CNTNAP2: variants seen among roughly 807,000 people sequenced by gnomAD.
The protein encoded by CNTNAP2 is contactin-associated protein-like 2.
In CNTNAP2, 98 loss-of-function variants were observed where a neutral mutation model predicts 155.2. The ratio of observed to expected loss-of-function variants is 0.63; its 90% confidence interval spans 0.54 to 0.75. The LOEUF is 0.75. CNTNAP2 is among the 30% of genes least tolerant of loss of function. CNTNAP2 has a pLI of 0.00. For missense variants in CNTNAP2, 1,727 were observed against 1,688.1 expected (o/e 1.02, Z -0.40); for synonymous variants, 651 against 631.2 (o/e 1.03, Z -0.47).
chr7:147,426,500 A>C (rs1237173639), intron 10 of CNTNAP2, among the ~76,000 whole-genome samples: 1 of 152,154 alleles, frequency 6.6e-6, no homozygotes, highest in Non-Finnish European at 1.5e-5. Context: ...CTTTCCACCG[A>C]GCAAAGATTT....
intron 1 of CNTNAP2, among the ~76,000 whole-genome samples, chr7:146,183,238 GGAGAA>G (rs1400908213): frequency 1.8e-4 from 28 of 152,186 alleles, no homozygotes; most frequent in African/African-American, 6.3e-4. Flanking sequence ...CACAATATAA[GGAGAA>G]GAAACCAGAA....
intron 13 of CNTNAP2, among the ~76,000 whole-genome samples, chr7:147,834,316 T>G (rs1409323365): frequency 6.6e-6 from 1 of 152,216 alleles, no homozygotes; most frequent in African/African-American, 2.4e-5. Flanking sequence ...AAATTCCTGC[T>G]GCTGGCTAAA....
chr7:146,945,258 C>T (rs17170293), intron 3 of CNTNAP2, among the ~76,000 whole-genome samples: 5,957 of 152,218 alleles, frequency 0.039, 139 homozygotes, highest in Middle Eastern at 0.085. Context: ...ACGGCACTGC[C>T]ATGTTTTATG....
intron 14 of CNTNAP2, among the ~76,000 whole-genome samples, chr7:147,966,320 A>G (rs2204924): frequency 0.56 from 84,293 of 151,868 alleles, 23,917 homozygotes; most frequent in Middle Eastern, 0.75. Context: ...AATGCATCAG[A>G]ACTAATGCTC....
At chr7:147,606,318 G>T (rs1801062704) in intron 12 of CNTNAP2, among the ~76,000 whole-genome samples, 1 of 152,152 alleles carries the variant, frequency 6.6e-6, no homozygotes, top group Admixed American at 6.5e-5. Flanking sequence ...AATTTTGATA[G>T]TCACTTTATT....
Position 147,676,609 on chromosome 7 carries a change from T to C in CNTNAP2, c.2098+37303T>C, listed in dbSNP as rs1472911455. On this transcript the variant is annotated intron_variant, in intron 13 of 23. Transcript: ENST00000361727. The stretch of plus-strand genomic sequence containing the variant: ...TGTATGATAGACGTCTTTAACTTCC[T>C]CCTATCTAATTGAAATTTCGTATTC... 3.9e-5 allele frequency among the ~76,000 whole-genome samples: 6 copies of C among 151,924 alleles called. No individual in the cohort carries two copies. In the East Asian group the frequency reaches 1.2e-3, roughly 29 times the overall value.
intron 13 of CNTNAP2, among the ~76,000 whole-genome samples, chr7:147,648,598 A>G (rs1795403875): frequency 6.6e-6 from 1 of 152,192 alleles, no homozygotes; most frequent in Non-Finnish European, 1.5e-5. Context: ...CATGTCTCAC[A>G]TGGCGGCAGA....
intron 3 of CNTNAP2, among the ~76,000 whole-genome samples, chr7:146,843,992 A>T (rs542419800): frequency 6.6e-6 from 1 of 152,198 alleles, no homozygotes; most frequent in African/African-American, 2.4e-5. Flanking sequence ...AATCACATGA[A>T]TATAATTTTA....
At chr7:146,692,364 G>A (rs547084450) in intron 1 of CNTNAP2, among the ~76,000 whole-genome samples, 1 of 152,202 alleles carries the variant, frequency 6.6e-6, no homozygotes, top group Middle Eastern at 3.4e-3. Flanking sequence ...TTTTTAAAAG[G>A]TAGTCTCCTT....
At chr7:147,775,721 T>C (rs1465869127) in intron 13 of CNTNAP2, among the ~76,000 whole-genome samples, 1 of 151,962 alleles carries the variant, frequency 6.6e-6, no homozygotes, top group Admixed American at 6.6e-5. Context: ...AAGATAAGTG[T>C]GCAAATCACA....
At chr7:147,202,632 T>A (rs76294912) in intron 8 of CNTNAP2, among the ~76,000 whole-genome samples, 1 of 152,036 alleles carries the variant, frequency 6.6e-6, no homozygotes, top group Non-Finnish European at 1.5e-5. Flanking sequence ...AACGGATGAG[T>A]TCACATCCTT....
chr7:147,058,921 C>A (rs1200296608), intron 4 of CNTNAP2, among the ~76,000 whole-genome samples: 1 of 152,072 alleles, frequency 6.6e-6, no homozygotes, highest in Non-Finnish European at 1.5e-5. Flanking sequence ...GGGCTCTTTT[C>A]CTACTAAGGA....
At chr7:146,665,797 A>T (rs1431608042) in intron 1 of CNTNAP2, among the ~76,000 whole-genome samples, 1 of 148,210 alleles carries the variant, frequency 6.7e-6, no homozygotes, top group Non-Finnish European at 1.5e-5. Context: ...AAAAAAAAAA[A>T]ATACATTTTG....
Position 147,251,964 on chromosome 7 carries a change from T to TA in CNTNAP2, c.1349-48168dup, listed in dbSNP as rs553267351. 1.3e-3 allele frequency among the ~76,000 whole-genome samples: 191 copies of TA among 150,810 alleles called. 2 individuals are homozygous for TA. The highest frequency in any genetic ancestry group is 1.8e-3 in the Non-Finnish European group (125 of 67,574). ...ATGGATATATGAGTTTGGGGATTAA[T>TA]AAAAAAAAACAGCAAGGAGTAAGAA... is the stretch of plus-strand genomic sequence containing the variant. On this transcript the variant is annotated intron_variant, in intron 8 of 23. Coordinates refer to ENST00000361727, the MANE Select transcript of CNTNAP2 (RefSeq NM_014141.6).
At chr7:148,247,810 C>T (rs1031531504) in intron 20 of CNTNAP2, among the ~76,000 whole-genome samples, 7 of 151,634 alleles carry the variant, frequency 4.6e-5, no homozygotes, top group Non-Finnish European at 7.4e-5. Context: ...TGTGCCACCA[C>T]GCCTGGCTAA....
At chr7:147,864,516 G>A (rs1466274551) in intron 13 of CNTNAP2, among the ~76,000 whole-genome samples, 2 of 151,264 alleles carry the variant, frequency 1.3e-5, no homozygotes, top group African/African-American at 4.9e-5. Flanking sequence ...AATTACCTTG[G>A]GCAGTATGGC....
chr7:146,984,973 G>T, intron 3 of CNTNAP2, among the ~76,000 whole-genome samples: 1 of 152,132 alleles, frequency 6.6e-6, no homozygotes, highest in Non-Finnish European at 1.5e-5. Flanking sequence ...GAGTGAAATA[G>T]CCCTCTCTGA....
intron 10 of CNTNAP2, among the ~76,000 whole-genome samples, chr7:147,479,515 T>C (rs1396974905): frequency 6.6e-6 from 1 of 152,220 alleles, no homozygotes; most frequent in African/African-American, 2.4e-5. Flanking sequence ...TTGCAGGTTC[T>C]TTTCCTGTGG....
chr7:146,246,531 TA>T (rs1367898323), intron 1 of CNTNAP2, among the ~76,000 whole-genome samples: 3 of 149,558 alleles, frequency 2.0e-5, no homozygotes, highest in Admixed American at 6.6e-5. Context: ...GTGGAGTGGG[TA>T]GCCTCAGTAT....
Sources: allele counts gnomAD v4.1 joint callset (sites outside exome capture counted in the v4.1 genomes callset), GRCh38; gene constraint gnomAD v4.1.1; transcripts MANE v1.5; gene names NCBI Gene and HGNC (gene_info 2026-07-23, HGNC 2026-07-21).